FOXP1: variants seen among roughly 807,000 people sequenced by gnomAD.
FOXP1 encodes the protein forkhead box P1.
FOXP1 carries 15 observed loss-of-function variants against 98.2 expected under a neutral mutation model. That is an observed-to-expected ratio of 0.15 (90% CI 0.10 to 0.24). FOXP1 has a LOEUF of 0.24. FOXP1 is among the 10% of genes least tolerant of loss of function. The pLI is 1.00. For missense variants in FOXP1, 633 were observed against 848.5 expected, an observed-to-expected ratio of 0.75 and a Z score of 3.15; for synonymous variants, 371 against 314.5, an observed-to-expected ratio of 1.18 and a Z score of -1.90.
chr3:71,027,529 C>A (rs2107854726), intron 11 of FOXP1, among the ~76,000 whole-genome samples: 1 of 152,286 alleles, frequency 6.6e-6, no homozygotes, highest in East Asian at 1.9e-4. Context: ...GCCTCATTAA[C>A]ATTCACTGGG....
chr3:71,375,991 TG>T (rs949057974), intron 3 of FOXP1, among the ~76,000 whole-genome samples: 7 of 152,142 alleles, frequency 4.6e-5, no homozygotes, highest in Non-Finnish European at 8.8e-5. Flanking sequence ...GTAAGATTCG[TG>T]GACTGCAAAC....
At chr3:71,021,150 T>G (rs1184758124) in intron 11 of FOXP1, among the ~76,000 whole-genome samples, 4 of 152,190 alleles carry the variant, frequency 2.6e-5, no homozygotes, top group Admixed American at 2.0e-4. Flanking sequence ...TTGGAACATT[T>G]TTATCATCCC....
intron 6 of FOXP1, among the ~76,000 whole-genome samples, chr3:71,180,425 C>T (rs1289109602): frequency 1.3e-5 from 2 of 151,642 alleles, no homozygotes; most frequent in Non-Finnish European, 2.9e-5. Context: ...GTCTTTGCCA[C>T]GTGTAAAATC....
chr3:71,014,253 C>T (rs1238764467), intron 12 of FOXP1, among the ~76,000 whole-genome samples: 2 of 152,170 alleles, frequency 1.3e-5, no homozygotes, highest in Non-Finnish European at 2.9e-5. Context: ...GCAATCTACT[C>T]ATCTGACAAA....
At chr3:71,045,078 T>G (rs781534857) in intron 10 of FOXP1, among the ~76,000 whole-genome samples, 9 of 152,170 alleles carry the variant, frequency 5.9e-5, no homozygotes, top group Non-Finnish European at 8.8e-5. Flanking sequence ...CACTGGTAGT[T>G]CACTTTACTG....
chr3:71,418,116 G>GGTGTGTGTGT (rs60973104), intron 3 of FOXP1, among the ~76,000 whole-genome samples: 2 of 147,382 alleles, frequency 1.4e-5, no homozygotes, highest in South Asian at 2.2e-4. Flanking sequence ...TGTGCTTGTG[G>GGTGTGTGTGT]GTGTGTGTGT....
At chr3:71,496,787 C>A (rs2091446281) in intron 2 of FOXP1, among the ~76,000 whole-genome samples, 1 of 151,712 alleles carries the variant, frequency 6.6e-6, no homozygotes, top group Non-Finnish European at 1.5e-5. Flanking sequence ...AGCCTGGCGA[C>A]AGAGCAAGAC....
At chr3:71,316,406 C>T (rs1427088288) in intron 4 of FOXP1, among the ~76,000 whole-genome samples, 2 of 152,102 alleles carry the variant, frequency 1.3e-5, no homozygotes, top group Non-Finnish European at 2.9e-5. Context: ...CTATTCTAAC[C>T]ATCACCCCAG....
intron 3 of FOXP1, among the ~76,000 whole-genome samples, chr3:71,463,542 T>G (rs542357272): frequency 6.6e-6 from 1 of 152,108 alleles, no homozygotes; most frequent in African/African-American, 2.4e-5. Flanking sequence ...CTGACATGAA[T>G]GGTGATGCTG....
chr3:71,139,792 C>A (rs1237902894), intron 6 of FOXP1, among the ~76,000 whole-genome samples: 1 of 152,128 alleles, frequency 6.6e-6, no homozygotes, highest in Non-Finnish European at 1.5e-5. Flanking sequence ...CAGACTCTTT[C>A]GCTATTATGT....
At chr3:71,100,652 C>T (rs1450037938) in intron 7 of FOXP1, among the ~76,000 whole-genome samples, 1 of 152,104 alleles carries the variant, frequency 6.6e-6, no homozygotes, top group East Asian at 1.9e-4. Flanking sequence ...ATTTAATCAC[C>T]AAAGGTCTTC....
chr3:70,982,479 ACT>A (rs776088298), intron 14 of FOXP1, among the ~76,000 whole-genome samples: 1 of 152,084 alleles, frequency 6.6e-6, no homozygotes, highest in Middle Eastern at 3.2e-3. Flanking sequence ...AAAGTCAGTA[ACT>A]CTGATATTTT....
chr3:71,465,017 C>T (rs1560522972), intron 3 of FOXP1, among the ~76,000 whole-genome samples: 1 of 152,048 alleles, frequency 6.6e-6, no homozygotes, highest in Non-Finnish European at 1.5e-5. Flanking sequence ...TAGAAGATGG[C>T]CAGGCTAAGG....
chr3:71,273,777 T>C (rs1006663874), intron 5 of FOXP1, among the ~76,000 whole-genome samples: 3 of 152,300 alleles, frequency 2.0e-5, no homozygotes, highest in Admixed American at 1.3e-4. Context: ...GCCAAATGCA[T>C]GGTGAAGGAA....
intron 11 of FOXP1, among the ~76,000 whole-genome samples, chr3:71,030,303 G>T (rs2046690200): frequency 1.3e-5 from 2 of 152,160 alleles, no homozygotes; most frequent in Admixed American, 1.3e-4. Context: ...TATCTTCTAT[G>T]CCTGCCTCTG....
At chr3:71,045,177 T>C (rs952693967) in intron 10 of FOXP1, among the ~76,000 whole-genome samples, 3 of 152,228 alleles carry the variant, frequency 2.0e-5, no homozygotes, top group African/African-American at 7.2e-5. Flanking sequence ...AATATGCTTC[T>C]TCCTAATGCT....
intron 5 of FOXP1, among the ~76,000 whole-genome samples, chr3:71,219,779 T>A (rs1173760196): frequency 3.3e-5 from 5 of 152,248 alleles, no homozygotes; most frequent in Admixed American, 2.6e-4. Flanking sequence ...ATTCCTTGTG[T>A]GGCTCTCCTT....
intron 6 of FOXP1, 95 bp downstream of exon 6, chr3:71,198,107 C>G (rs2063406336): frequency 6.2e-7 from 1 of 1,613,596 alleles, no homozygotes; most frequent in Admixed American, 1.7e-5. Context: ...CAGGTGAACA[C>G]AAAACACTGA....
chr3:71,535,814 T>C (rs1027134112), intron 2 of FOXP1, among the ~76,000 whole-genome samples: 2 of 152,166 alleles, frequency 1.3e-5, no homozygotes, highest in African/African-American at 4.8e-5. Context: ...CACTCTGAGA[T>C]ATGGCGGCAT....
Sources: gnomAD v4.1 joint callset for allele counts (sites outside exome capture counted in the v4.1 genomes callset) on GRCh38, gnomAD v4.1.1 for gene constraint, MANE v1.5 for transcripts, NCBI Gene and HGNC (gene_info 2026-07-23, HGNC 2026-07-21) for gene names.